The following PLPPR5 variants were observed in gnomAD, a reference collection of about 807,000 sequenced individuals.
PLPPR5 encodes phospholipid phosphatase-related protein type 5.
PLPPR5 carries 16 observed loss-of-function variants against 33.9 expected under a neutral mutation model. That is an observed-to-expected ratio of 0.47 (90% CI 0.32 to 0.72). The LOEUF is 0.72. Among genes scored for constraint, PLPPR5 ranks in the 30% least tolerant of loss-of-function variants. The pLI is 0.03. For synonymous variants in PLPPR5, 163 were observed against 150.3 expected (o/e 1.08, Z -0.62); for missense variants, 301 against 406.7 (o/e 0.74, Z 2.23).
intron 1 of PLPPR5, among the ~76,000 whole-genome samples, chr1:98,980,055 C>A (rs1406755742): frequency 6.6e-6 from 1 of 152,042 alleles, no homozygotes; most frequent in Non-Finnish European, 1.5e-5. Flanking sequence ...CTACTGGTTT[C>A]TGTGGCAGTC....
At chr1:98,922,193 A>G (rs1649582472) in intron 3 of PLPPR5, 135 bp from the exon 4 acceptor site, 1 of 867,832 alleles carries the variant, frequency 1.2e-6, no homozygotes, top group Non-Finnish European at 1.7e-6. Flanking sequence ...ACTGGAGTTT[A>G]TGAAGTTTTT....
intron 1 of PLPPR5, among the ~76,000 whole-genome samples, chr1:99,003,094 T>C (rs1385327511): frequency 7.5e-6 from 1 of 132,456 alleles, no homozygotes; most frequent in Non-Finnish European, 1.6e-5. Flanking sequence ...TATATATATA[T>C]ATGTAAAACA....
intron 5 of PLPPR5, among the ~76,000 whole-genome samples, chr1:98,907,678 T>C (rs1052103762): frequency 6.6e-6 from 1 of 152,196 alleles, no homozygotes; most frequent in Admixed American, 6.5e-5. Context: ...CTCTTAATGA[T>C]AACCATGAAT....
Position 98,922,263 on chromosome 1 carries a change from G to A in PLPPR5, c.622-205C>T, listed in dbSNP as rs144795859. Among the ~76,000 whole-genome samples, 124 of 152,238 alleles carry A rather than the reference G, an allele frequency of 8.1e-4. 1 individual carries two copies. The highest frequency in any genetic ancestry group is 1.4e-3 in the African/African-American group (59 of 41,552). On this transcript the variant is annotated intron_variant, in intron 3 of 5. Coordinates refer to ENST00000263177, the MANE Select transcript of PLPPR5 (RefSeq NM_001037317.2). ...GCAATTATTTTGTTTTACTTACCTCGTATGGCAATCTCTTACAAATGGCCA... is the reference window on the plus strand; with the variant it reads ...GCAATTATTTTGTTTTACTTACCTCATATGGCAATCTCTTACAAATGGCCA...
upstream of PLPPR5, among the ~76,000 whole-genome samples, chr1:99,005,620 G>C (rs1394549443): frequency 6.6e-6 from 1 of 152,102 alleles, no homozygotes; most frequent in Non-Finnish European, 1.5e-5. Context: ...TGTGAGAGGA[G>C]GCATTGCAGA....
intron 1 of PLPPR5, among the ~76,000 whole-genome samples, chr1:98,995,628 T>C (rs1217641253): frequency 6.6e-6 from 1 of 152,028 alleles, no homozygotes; most frequent in African/African-American, 2.4e-5. Context: ...TTTAAAACAG[T>C]TTCTGCTTGG....
At chr1:98,999,029 T>G (rs2100767280) in intron 1 of PLPPR5, among the ~76,000 whole-genome samples, 1 of 152,332 alleles carries the variant, frequency 6.6e-6, no homozygotes, top group African/African-American at 2.4e-5. Flanking sequence ...ATCATTAATT[T>G]CATTCTAAGA....
intron 1 of PLPPR5, among the ~76,000 whole-genome samples, chr1:98,971,922 A>C (rs182240702): frequency 6.6e-6 from 1 of 152,150 alleles, no homozygotes; most frequent in African/African-American, 2.4e-5. Flanking sequence ...CCATGGTCTC[A>C]CCACTGGGAC....
At chr1:98,947,966 G>T (rs1188413651) in intron 3 of PLPPR5, among the ~76,000 whole-genome samples, 2 of 152,180 alleles carry the variant, frequency 1.3e-5, no homozygotes, top group African/African-American at 4.8e-5. Flanking sequence ...CCTAAGCAGG[G>T]AGCTTTAGAG....
At chr1:98,968,126 CATG>C (rs1382250364) in intron 1 of PLPPR5, among the ~76,000 whole-genome samples, 1 of 152,070 alleles carries the variant, frequency 6.6e-6, no homozygotes, top group Non-Finnish European at 1.5e-5. Flanking sequence ...TTAAACTTTA[CATG>C]ATGTTTATGC....
At chr1:98,960,195 A>G (rs1347511313) in intron 1 of PLPPR5, among the ~76,000 whole-genome samples, 1 of 151,770 alleles carries the variant, frequency 6.6e-6, no homozygotes, top group Non-Finnish European at 1.5e-5. Context: ...GCTCTCAGAT[A>G]ATAATAATAA....
chr1:98,920,084 C>T (rs1408240340), intron 4 of PLPPR5, among the ~76,000 whole-genome samples: 3 of 152,198 alleles, frequency 2.0e-5, no homozygotes, highest in East Asian at 3.9e-4. Context: ...TATCATGAAA[C>T]GTTCTCAACC....
At chr1:98,961,571 T>C (rs989108108) in intron 1 of PLPPR5, among the ~76,000 whole-genome samples, 16 of 152,224 alleles carry the variant, frequency 1.1e-4, no homozygotes, top group African/African-American at 3.9e-4. Flanking sequence ...CTAATATATA[T>C]GTAATTGTAT....
chr1:98,987,534 C>T (rs1412888127), intron 1 of PLPPR5, among the ~76,000 whole-genome samples: 1 of 151,786 alleles, frequency 6.6e-6, no homozygotes, highest in Non-Finnish European at 1.5e-5. Context: ...ATTTTAAGTC[C>T]TTTTGTCCAC....
At chr1:98,938,474 C>T (rs148676210) in intron 3 of PLPPR5, among the ~76,000 whole-genome samples, 1 of 144,730 alleles carries the variant, frequency 6.9e-6, no homozygotes, top group African/African-American at 2.5e-5. Flanking sequence ...AAATTTTAGT[C>T]GATACATAAA....
At chr1:98,958,848 T>G (rs1651120557) in intron 1 of PLPPR5, among the ~76,000 whole-genome samples, 1 of 152,114 alleles carries the variant, frequency 6.6e-6, no homozygotes. Flanking sequence ...CCACTCCACT[T>G]CATGAGCTGA....
intron 2 of PLPPR5, among the ~76,000 whole-genome samples, chr1:98,956,143 C>T (rs927644505): frequency 5.3e-5 from 8 of 152,006 alleles, no homozygotes; most frequent in African/African-American, 1.9e-4. Context: ...GACAACCTAC[C>T]TGGATTATCA....
intron 2 of PLPPR5, among the ~76,000 whole-genome samples, chr1:98,956,152 C>T (rs1302295206): frequency 6.6e-6 from 1 of 152,050 alleles, no homozygotes; most frequent in Non-Finnish European, 1.5e-5. Context: ...CCTGGATTAT[C>T]ACCACCCTCC....
At chr1:98,955,062 C>T (rs1466989929) in intron 2 of PLPPR5, among the ~76,000 whole-genome samples, 1 of 152,066 alleles carries the variant, frequency 6.6e-6, no homozygotes, top group Non-Finnish European at 1.5e-5. Context: ...AGTGTATCTA[C>T]ACTTACCTAA....
Sources: allele counts gnomAD v4.1 joint callset (sites outside exome capture counted in the v4.1 genomes callset), GRCh38; gene constraint gnomAD v4.1.1; transcripts MANE v1.5; gene names NCBI Gene and HGNC (gene_info 2026-07-23, HGNC 2026-07-21).